Variants in LRRC4C observed in about 807,000 individuals in gnomAD.
LRRC4C encodes the protein leucine-rich repeat-containing protein 4C.
A neutral mutation model predicts 33.6 loss-of-function variants in LRRC4C; 5 were observed. That is an observed-to-expected ratio of 0.15 (90% CI 0.08 to 0.31). LRRC4C has a LOEUF of 0.31. LRRC4C is among the 10% of genes least tolerant of loss of function. The probability of loss-of-function intolerance (pLI) is 1.00; values close to 1 mark genes in which losing one functional copy is unlikely to be tolerated. For synonymous variants in LRRC4C, 329 were observed against 302.0 expected (o/e 1.09, Z -0.93); for missense variants, 560 against 796.7 (o/e 0.70, Z 3.58).
At chr11:40,348,234 C>T (rs1392977931) in intron 3 of LRRC4C, among the ~76,000 whole-genome samples, 1 of 151,046 alleles carries the variant, frequency 6.6e-6, no homozygotes, top group Non-Finnish European at 1.5e-5. Flanking sequence ...AACTGCTAGA[C>T]TTGCTCAATG....
intron 6 of LRRC4C, among the ~76,000 whole-genome samples, chr11:40,118,390 A>G (rs1855590774): frequency 6.6e-6 from 1 of 152,036 alleles, no homozygotes; most frequent in South Asian, 2.1e-4. Context: ...TATAAGGATG[A>G]GGAATAGAAT....
In LRRC4C at chr11:41,164,952, C is replaced by G. The variant is rs114320978; in HGVS notation, c.-495-231229G>C. ...ACTTGCTGTCTCCTTGTTCCTTGCTCTCCCAGGATCGATTGTATCTTGGGT... is the reference window on the plus strand; with the variant it reads ...ACTTGCTGTCTCCTTGTTCCTTGCTGTCCCAGGATCGATTGTATCTTGGGT... On this transcript the variant is annotated intron_variant, in intron 1 of 6. Transcript: ENST00000528697. Among the ~76,000 whole-genome samples the G allele has an allele frequency of 9.8e-3, 1,492 of 152,236 alleles. 27 individuals are homozygous for G. The highest frequency in any genetic ancestry group is 0.034 in the African/African-American group (1,412 of 41,524).
chr11:40,577,841 T>C (rs1473834487), intron 3 of LRRC4C, among the ~76,000 whole-genome samples: 3 of 143,598 alleles, frequency 2.1e-5, no homozygotes, highest in Admixed American at 6.9e-5. Context: ...TCTTTTTTTT[T>C]TTTTTTTTTT....
At chr11:40,143,070 C>G (rs535931615) in intron 5 of LRRC4C, among the ~76,000 whole-genome samples, 262 of 152,254 alleles carry the variant, frequency 1.7e-3, no homozygotes, top group African/African-American at 5.9e-3. Context: ...GTCTCATACC[C>G]TCTCTTTTTG....
At chr11:40,629,440 C>T (rs2136004224) in intron 3 of LRRC4C, among the ~76,000 whole-genome samples, 1 of 152,220 alleles carries the variant, frequency 6.6e-6, no homozygotes, top group East Asian at 1.9e-4. Flanking sequence ...AGGTATATCT[C>T]ACCCTTACTC....
At chr11:40,278,240 C>T (rs953973338) in intron 4 of LRRC4C, among the ~76,000 whole-genome samples, 9 of 152,104 alleles carry the variant, frequency 5.9e-5, no homozygotes, top group Non-Finnish European at 1.0e-4. Context: ...GTCACCTTGC[C>T]TATGAAGAAG....
intron 1 of LRRC4C, among the ~76,000 whole-genome samples, chr11:41,097,046 C>T (rs1370229257): frequency 1.3e-5 from 2 of 152,108 alleles, no homozygotes; most frequent in Non-Finnish European, 2.9e-5. Context: ...CCCACTGAAG[C>T]ATATTGCTTC....
chr11:41,354,558 A>T (rs913095417), intron 1 of LRRC4C, among the ~76,000 whole-genome samples: 4 of 152,072 alleles, frequency 2.6e-5, no homozygotes, highest in Non-Finnish European at 5.9e-5. Context: ...GGAAAAAAAG[A>T]CTAAATAGCC....
intron 2 of LRRC4C, among the ~76,000 whole-genome samples, chr11:40,767,324 A>T (rs576707496): frequency 2.8e-4 from 43 of 152,244 alleles, no homozygotes; most frequent in Non-Finnish European, 4.6e-4. Context: ...CAGATATATA[A>T]AGCAAATATT....
intron 3 of LRRC4C, among the ~76,000 whole-genome samples, chr11:40,518,907 T>C (rs1019429458): frequency 6.6e-6 from 1 of 152,176 alleles, no homozygotes; most frequent in Non-Finnish European, 1.5e-5. Context: ...TGGAATACTA[T>C]GCAGCCACAA....
intron 1 of LRRC4C, among the ~76,000 whole-genome samples, chr11:41,346,826 C>T (rs1185834028): frequency 1.3e-5 from 2 of 152,132 alleles, no homozygotes; most frequent in East Asian, 3.9e-4. Flanking sequence ...AAAGTACCAA[C>T]TGGGACACCA....
At chr11:40,697,310 G>T (rs1945616281) in intron 2 of LRRC4C, among the ~76,000 whole-genome samples, 1 of 152,104 alleles carries the variant, frequency 6.6e-6, no homozygotes, top group African/African-American at 2.4e-5. Context: ...CCTTGAACTG[G>T]ATCTTAGGGA....
At chr11:40,121,988 T>G (rs1214083402) in intron 6 of LRRC4C, among the ~76,000 whole-genome samples, 1 of 152,168 alleles carries the variant, frequency 6.6e-6, no homozygotes, top group East Asian at 1.9e-4. Context: ...TTCCACTGTC[T>G]GTCTTAGCAC....
At chr11:40,880,952 A>G (rs896814521) in intron 2 of LRRC4C, among the ~76,000 whole-genome samples, 17 of 151,864 alleles carry the variant, frequency 1.1e-4, no homozygotes, top group African/African-American at 3.4e-4. Context: ...AAGGAAAAGA[A>G]TAGGAAGTAA....
At chr11:40,155,253 ACT>A (rs1420320349) in intron 5 of LRRC4C, among the ~76,000 whole-genome samples, 2 of 152,096 alleles carry the variant, frequency 1.3e-5, no homozygotes, top group East Asian at 3.9e-4. Flanking sequence ...CACATCAAAA[ACT>A]CTGAAAGAGT....
At chr11:40,192,663 A>T (rs1447895461) in intron 5 of LRRC4C, among the ~76,000 whole-genome samples, 1 of 152,124 alleles carries the variant, frequency 6.6e-6, no homozygotes, top group Non-Finnish European at 1.5e-5. Flanking sequence ...TGCTCAATGG[A>T]TCCCACTCCC....
chr11:41,037,557 TCTTA>T (rs1455694085), intron 1 of LRRC4C, among the ~76,000 whole-genome samples: 1 of 148,956 alleles, frequency 6.7e-6, no homozygotes, highest in African/African-American at 2.5e-5. Flanking sequence ...TGCTGAACTT[TCTTA>T]CTTCTTTTCC....
chr11:40,707,241 C>T (rs535706347), intron 2 of LRRC4C, among the ~76,000 whole-genome samples: 124 of 152,252 alleles, frequency 8.1e-4, no homozygotes, highest in Non-Finnish European at 1.5e-3. Context: ...GAACTTCCAA[C>T]CCTATGTTGA....
intron 1 of LRRC4C, among the ~76,000 whole-genome samples, chr11:41,349,133 C>T (rs1385713037): frequency 6.6e-6 from 1 of 152,180 alleles, no homozygotes; most frequent in Non-Finnish European, 1.5e-5. Flanking sequence ...CCTGGTCACA[C>T]ATTCTCATTC....
Sources: allele counts gnomAD v4.1 joint callset (sites outside exome capture counted in the v4.1 genomes callset), GRCh38; gene constraint gnomAD v4.1.1; transcripts MANE v1.5; gene names NCBI Gene and HGNC (gene_info 2026-07-23, HGNC 2026-07-21).